USH2A: variants seen among roughly 807,000 people sequenced by gnomAD.
USH2A encodes the protein Usher syndrome 2A (autosomal recessive, mild).
Under a neutral mutation model 538.9 loss-of-function variants are expected in USH2A, and 443 were observed. The ratio of observed to expected loss-of-function variants is 0.82; its 90% confidence interval spans 0.76 to 0.89. The LOEUF is 0.89. USH2A is among the 40% of genes least tolerant of loss of function. The pLI is 0.00. For missense variants in USH2A, 6,633 were observed against 6,324.8 expected (o/e 1.05, Z -1.65); for synonymous variants, 2,413 against 2,273.5 (o/e 1.06, Z -1.75).
At chr1:215,809,563 A>G (rs1441578447) in intron 49 of USH2A, among the ~76,000 whole-genome samples, 2 of 152,016 alleles carry the variant, frequency 1.3e-5, no homozygotes, top group African/African-American at 4.8e-5. Flanking sequence ...CTTCTCATTA[A>G]CCTCTCAAAA....
intron 60 of USH2A, among the ~76,000 whole-genome samples, chr1:215,735,210 C>A (rs1237522705): frequency 6.6e-6 from 1 of 152,010 alleles, no homozygotes; most frequent in African/African-American, 2.4e-5. Context: ...TCACAGGCAC[C>A]CTCCTCTATG....
intron 11 of USH2A, among the ~76,000 whole-genome samples, chr1:216,285,324 C>T (rs147985229): frequency 6.6e-4 from 100 of 152,346 alleles, no homozygotes; most frequent in African/African-American, 2.3e-3. Flanking sequence ...ACAGCTCAGA[C>T]TATTGCATCA....
intron 11 of USH2A, among the ~76,000 whole-genome samples, chr1:216,288,768 G>C (rs10159360): frequency 0.019 from 2,889 of 152,182 alleles, 93 homozygotes; most frequent in African/African-American, 0.064. Context: ...ATGTAGGCTA[G>C]ACATCGATAT....
At chr1:216,171,050 T>C (rs944225683) in intron 21 of USH2A, among the ~76,000 whole-genome samples, 1 of 152,138 alleles carries the variant, frequency 6.6e-6, no homozygotes, top group African/African-American at 2.4e-5. Context: ...GACCCAATAA[T>C]TGAATATCTA....
intron 44 of USH2A, among the ~76,000 whole-genome samples, chr1:215,861,450 G>A (rs1664309713): frequency 6.6e-6 from 1 of 152,188 alleles, no homozygotes; most frequent in African/African-American, 2.4e-5. Context: ...TGTATCTCAT[G>A]TAATAGCTTC....
intron 37 of USH2A, among the ~76,000 whole-genome samples, chr1:215,943,503 A>G (rs977146794): frequency 6.6e-6 from 1 of 152,152 alleles, no homozygotes; most frequent in Admixed American, 6.6e-5. Flanking sequence ...AAATGATTAG[A>G]AACATAACTT....
chr1:216,172,787 C>T (rs2034296640), intron 21 of USH2A, among the ~76,000 whole-genome samples: 2 of 152,054 alleles, frequency 1.3e-5, no homozygotes, highest in Non-Finnish European at 2.9e-5. Flanking sequence ...AAGACAAATC[C>T]AAAAAGTTTA....
chr1:216,052,327 C>T (rs2030814324), intron 30 of USH2A, among the ~76,000 whole-genome samples: 1 of 149,178 alleles, frequency 6.7e-6, no homozygotes, highest in Admixed American at 6.7e-5. Flanking sequence ...CAATAATAAG[C>T]CCTGAGAAAT....
intron 9 of USH2A, among the ~76,000 whole-genome samples, chr1:216,294,421 T>C (rs547457867): frequency 6.6e-6 from 1 of 152,012 alleles, no homozygotes; most frequent in Non-Finnish European, 1.5e-5. Context: ...ATATATTTTG[T>C]ATTACTACAT....
In USH2A at chr1:215,674,092, C is replaced by T; in HGVS notation, c.13811+8G>A. The T allele has an allele frequency of 1.9e-6, 3 of 1,613,970 alleles. No homozygotes were observed. Among genetic ancestry groups the T allele is most frequent in the Non-Finnish European group, 1.7e-6 (2 of 1,179,974 alleles). ...TTACTCTCAGAAAACCGAGACATGGCTACCTACCTGTGAAATGGCTTCAGC... is the reference window on the plus strand; with the variant it reads ...TTACTCTCAGAAAACCGAGACATGGTTACCTACCTGTGAAATGGCTTCAGC... On this transcript the variant is annotated splice_region_variant and intron_variant, in intron 63 of 71. Coordinates refer to ENST00000307340, the MANE Select transcript of USH2A (RefSeq NM_206933.4).
At chr1:215,805,894 T>G (rs753399639) in intron 49 of USH2A, among the ~76,000 whole-genome samples, 1 of 150,920 alleles carries the variant, frequency 6.6e-6, no homozygotes, top group Admixed American at 6.6e-5. Context: ...CCTCTATGTC[T>G]AGTCTGCACA....
chr1:215,976,984 G>GTTT (rs56872387), intron 35 of USH2A, among the ~76,000 whole-genome samples: 12,525 of 144,330 alleles, frequency 0.087, 589 homozygotes, highest in Admixed American at 0.12. Context: ...ACCTGGTCCA[G>GTTT]TTTTTTTTTT....
In USH2A at chr1:215,779,962, TGCAGAGCCA is replaced by T; in HGVS notation, c.10811_10819del (p.Val3604_His3607delinsAsp). On this transcript the variant is annotated inframe_deletion, in exon 55 of 72. Coordinates refer to ENST00000307340, the MANE Select transcript of USH2A (RefSeq NM_206933.4). ...TTTCTCAGGGACACTCCAGCTCAGA[TGCAGAGCCA>T]CTGCACTTAGGGCTGTGATGCTTGG... The T allele has an allele frequency of 6.2e-7, 1 of 1,614,174 alleles. No homozygotes were observed. Among genetic ancestry groups the T allele is most frequent in the Non-Finnish European group, 8.5e-7 (1 of 1,180,028 alleles).
intron 10 of USH2A, among the ~76,000 whole-genome samples, chr1:216,290,396 ATC>A (rs1325733752): frequency 2.0e-5 from 3 of 152,092 alleles, no homozygotes; most frequent in East Asian, 1.9e-4. Flanking sequence ...CAATCCAGAA[ATC>A]TCTCTTTTAT....
At chr1:216,111,003 A>C (rs1226066531) in intron 21 of USH2A, among the ~76,000 whole-genome samples, 3 of 152,142 alleles carry the variant, frequency 2.0e-5, no homozygotes, top group African/African-American at 7.2e-5. Context: ...AGGCAAGCGG[A>C]TCACTTTAGG....
intron 48 of USH2A, among the ~76,000 whole-genome samples, chr1:215,814,172 A>T (rs12037735): frequency 6.9e-6 from 1 of 145,790 alleles, no homozygotes; most frequent in African/African-American, 2.5e-5. Flanking sequence ...AATTATATAA[A>T]ATTTTAATTT....
In USH2A at chr1:215,782,840, T is replaced by C; in HGVS notation, c.10483A>G (p.Lys3495Glu). The part of the protein sequence containing the change: ...GLSKAVRART[K>E]EDVPQGVSPP... ...CTCACTCCTTGAGGCACATCTTCTT[T>C]TGTTCTGGCTCTCACAGCTTTGCTG... Residue 3495 changes from lysine to glutamate, a missense_variant, in exon 53 of 72, where the codon AAA (lysine) becomes GAA (glutamate). Lys to Glu is a moderately conservative substitution (Grantham distance 56). Transcript: ENST00000307340. 6.2e-7 allele frequency: 1 copy of C among 1,613,992 alleles called. No homozygotes were observed.
intron 43 of USH2A, among the ~76,000 whole-genome samples, chr1:215,876,988 CAT>C (rs1368639756): frequency 6.6e-6 from 1 of 152,132 alleles, no homozygotes; most frequent in Non-Finnish European, 1.5e-5. Context: ...GTTACTGAAA[CAT>C]ATGATCGAGG....
At chr1:216,057,736 T>G (rs1485547250) in intron 30 of USH2A, among the ~76,000 whole-genome samples, 1 of 152,118 alleles carries the variant, frequency 6.6e-6, no homozygotes, top group Non-Finnish European at 1.5e-5. Flanking sequence ...GAATATTAAT[T>G]TATGGTCTAC....
Sources: allele counts gnomAD v4.1 joint callset (sites outside exome capture counted in the v4.1 genomes callset), GRCh38; gene constraint gnomAD v4.1.1; transcripts MANE v1.5; gene names NCBI Gene and HGNC (gene_info 2026-07-23, HGNC 2026-07-21).